The following LRMDA variants were observed in gnomAD, a reference collection of about 807,000 sequenced individuals.
LRMDA encodes the protein leucine rich melanocyte differentiation associated, also known as leucine-rich melanocyte differentiation-associated protein.
LRMDA carries 18 observed loss-of-function variants against 29.8 expected under a neutral mutation model. That is an observed-to-expected ratio of 0.60 (90% confidence interval 0.42 to 0.90). The LOEUF is 0.90. Among genes scored for constraint, LRMDA ranks in the 40% least tolerant of loss-of-function variants. The probability of loss-of-function intolerance (pLI) is 0.00; values close to 1 mark genes in which losing one functional copy is unlikely to be tolerated. For missense variants in LRMDA, 273 were observed against 273.9 expected (o/e 1.00, Z 0.02); for synonymous variants, 125 against 109.4 (o/e 1.14, Z -0.89).
intron 2 of LRMDA, among the ~76,000 whole-genome samples, chr10:75,855,493 A>G (rs1443675068): frequency 2.0e-5 from 3 of 151,878 alleles, no homozygotes; most frequent in Non-Finnish European, 4.4e-5. Context: ...GATTGCAGAA[A>G]TTTTCTCCCA....
chr10:75,523,971 C>T (rs1845388572), intron 2 of LRMDA, among the ~76,000 whole-genome samples: 1 of 152,082 alleles, frequency 6.6e-6, no homozygotes, highest in Non-Finnish European at 1.5e-5. Context: ...TTGAATAGGC[C>T]TTTTTATCAC....
At position 75,680,201 on chromosome 10, in the gene LRMDA, G is replaced by A. The variant is rs555678162; in HGVS notation, c.131+241707G>A. Among the ~76,000 whole-genome samples the A allele has an allele frequency of 6.6e-5, 10 of 152,324 alleles. No individual in the cohort carries two copies. The East Asian group carries it at 1.3e-3, about 21-fold the overall frequency. On this transcript the variant is annotated intron_variant, in intron 2 of 6. Coordinates refer to ENST00000611255, the MANE Select transcript of LRMDA (RefSeq NM_001305581.2). ...GATCCCCCAAATTTGAATCTCATTAGCCTGATAAGTCTAAATGGAATAACA... is the reference window on the plus strand; with the variant it reads ...GATCCCCCAAATTTGAATCTCATTAACCTGATAAGTCTAAATGGAATAACA...
chr10:75,996,200 G>A (rs923881931), intron 2 of LRMDA, among the ~76,000 whole-genome samples: 4 of 152,142 alleles, frequency 2.6e-5, no homozygotes, highest in African/African-American at 9.7e-5. Context: ...TTTGTTTGTT[G>A]AGGCCTATTG....
At chr10:76,298,144 G>A (rs1840435369) in intron 5 of LRMDA, among the ~76,000 whole-genome samples, 1 of 152,230 alleles carries the variant, frequency 6.6e-6, no homozygotes, top group African/African-American at 2.4e-5. Flanking sequence ...CTGATCATAT[G>A]ATCCACTTAC....
In LRMDA at chr10:75,461,256, A is replaced by G. The variant is rs111781786; in HGVS notation, c.131+22762A>G. Among the ~76,000 whole-genome samples the G allele has an allele frequency of 3.9e-3, 587 of 152,298 alleles. 5 individuals are homozygous for G. The highest frequency in any genetic ancestry group is 0.013 in the African/African-American group (557 of 41,568). ...TTGGAAAAGAAAGCATGATCTGTTG[A>G]TATGGAAGCAACTTAGCAAGGCCTA... On this transcript the variant is annotated intron_variant, in intron 2 of 6. Coordinates refer to ENST00000611255, the MANE Select transcript of LRMDA (RefSeq NM_001305581.2).
chr10:75,950,064 C>A (rs550963349), intron 2 of LRMDA, among the ~76,000 whole-genome samples: 6 of 152,216 alleles, frequency 3.9e-5, no homozygotes, highest in African/African-American at 1.4e-4. Flanking sequence ...CTTGCCAAGA[C>A]GGCAAAATGT....
intron 2 of LRMDA, among the ~76,000 whole-genome samples, chr10:75,919,432 G>A (rs1344022566): frequency 6.6e-6 from 1 of 152,136 alleles, no homozygotes; most frequent in East Asian, 1.9e-4. Flanking sequence ...GTGCCATGCA[G>A]GTGCAATTGG....
intron 5 of LRMDA, among the ~76,000 whole-genome samples, chr10:76,259,942 C>G (rs1010952282): frequency 1.3e-5 from 2 of 151,930 alleles, no homozygotes; most frequent in Admixed American, 1.3e-4. Flanking sequence ...CTTTTTCCAT[C>G]CCTTCAGTTC....
chr10:75,800,177 C>G lies in LRMDA; in HGVS notation c.132-235831C>G, dbSNP rs368523014. On this transcript the variant is annotated intron_variant, in intron 2 of 6. Transcript: ENST00000611255. The stretch of plus-strand genomic sequence containing the variant: ...TTCAAACTTTGTATTTAAGTGCACA[C>G]ATATTTATGATTTGTATGTCTTCCT... 1.3e-3 allele frequency among the ~76,000 whole-genome samples: 205 copies of G among 152,230 alleles called. 5 individuals are homozygous for G. The South Asian group carries it at 0.031, about 23-fold the overall frequency.
intron 5 of LRMDA, among the ~76,000 whole-genome samples, chr10:76,067,705 G>C (rs908009389): frequency 1.3e-5 from 2 of 152,116 alleles, no homozygotes; most frequent in African/African-American, 4.8e-5. Flanking sequence ...GGTGATTCTA[G>C]GCTAGTGATG....
At chr10:76,007,983 G>C (rs751411041) in intron 2 of LRMDA, among the ~76,000 whole-genome samples, 14 of 152,218 alleles carry the variant, frequency 9.2e-5, no homozygotes, top group Non-Finnish European at 1.3e-4. Flanking sequence ...GTTCCGAACT[G>C]TGGGGATACT....
chr10:76,490,075 G>A (rs1307846016), intron 6 of LRMDA, among the ~76,000 whole-genome samples: 4 of 151,834 alleles, frequency 2.6e-5, no homozygotes. Flanking sequence ...GGAGCATATT[G>A]TTTAATTTCC....
chr10:76,035,703 A>G (rs941574734), intron 2 of LRMDA, among the ~76,000 whole-genome samples: 1 of 152,222 alleles, frequency 6.6e-6, no homozygotes, highest in African/African-American at 2.4e-5. Context: ...GGCACAAGAC[A>G]TTGACAAATT....
chr10:76,427,277 A>G (rs1011157172), intron 6 of LRMDA, among the ~76,000 whole-genome samples: 22 of 151,864 alleles, frequency 1.4e-4, no homozygotes, highest in Admixed American at 1.3e-3. Flanking sequence ...CTTTTATTTC[A>G]TTGAGCAGTG....
At chr10:76,396,137 G>A (rs1208384078) in intron 6 of LRMDA, among the ~76,000 whole-genome samples, 1 of 152,182 alleles carries the variant, frequency 6.6e-6, no homozygotes, top group Non-Finnish European at 1.5e-5. Context: ...AAGCTGCCAC[G>A]TTTGAAGGGC....
At chr10:75,586,358 TTTTTTTTTTTTA>T (rs1239288103) in intron 2 of LRMDA, among the ~76,000 whole-genome samples, 5 of 134,184 alleles carry the variant, frequency 3.7e-5, no homozygotes, top group African/African-American at 1.1e-4. Context: ...TTTTTTTTTT[TTTTTTTTTTTTA>T]AATTAGAGAC....
At chr10:75,916,308 G>GAT (rs1344835292) in intron 2 of LRMDA, among the ~76,000 whole-genome samples, 1 of 152,132 alleles carries the variant, frequency 6.6e-6, no homozygotes, top group Non-Finnish European at 1.5e-5. Context: ...GTGCAGGCAG[G>GAT]ACATGCAGTG....
chr10:76,235,235 C>T (rs1397133845), intron 5 of LRMDA, among the ~76,000 whole-genome samples: 5 of 152,110 alleles, frequency 3.3e-5, no homozygotes, highest in African/African-American at 9.7e-5. Flanking sequence ...TCAGAACACA[C>T]ACAACACTTA....
At chr10:76,033,679 C>G (rs117689557) in intron 2 of LRMDA, among the ~76,000 whole-genome samples, 1 of 152,112 alleles carries the variant, frequency 6.6e-6, no homozygotes, top group Non-Finnish European at 1.5e-5. Flanking sequence ...TGCCTTTGAG[C>G]GGAGTCCAAC....
Sources: allele counts gnomAD v4.1 joint callset (sites outside exome capture counted in the v4.1 genomes callset), GRCh38; gene constraint gnomAD v4.1.1; transcripts MANE v1.5; gene names NCBI Gene and HGNC (gene_info 2026-07-23, HGNC 2026-07-21).